The following NECTIN1 variants were observed in gnomAD, a reference collection of about 807,000 sequenced individuals.
NECTIN1 encodes the protein nectin-1.
A neutral mutation model predicts 48.0 loss-of-function variants in NECTIN1; 23 were observed. The ratio of observed to expected loss-of-function variants is 0.48; its 90% CI spans 0.34 to 0.68. The LOEUF (loss-of-function observed/expected upper bound fraction) is 0.68, where lower values mean the gene tolerates loss of function less well. Among genes scored for constraint, NECTIN1 ranks in the 30% least tolerant of loss-of-function variants. The pLI, the probability that NECTIN1 is intolerant of heterozygous loss-of-function variation, is 0.01. For synonymous variants in NECTIN1, 270 were observed against 288.9 expected (o/e 0.93, Z 0.66); for missense variants, 591 against 709.9 (o/e 0.83, Z 1.90).
rs536229402 is a variant in NECTIN1 at position 119,709,444 on chromosome 11, G to A, written c.79+19031C>T. 2.6e-5 allele frequency among the ~76,000 whole-genome samples: 4 copies of A among 152,248 alleles called. No individual in the cohort carries two copies. Among genetic ancestry groups the A allele is most frequent in the East Asian group, 1.9e-4 (1 of 5,152 alleles). ...CAGGGGCAGGGGCGCAGAGGAAGCC[G>A]AGACTACCCTCTAAAGAGTCCTTTC... On this transcript the variant is annotated intron_variant, in intron 1 of 5. Coordinates refer to ENST00000264025, the MANE Select transcript of NECTIN1 (RefSeq NM_002855.5). This position sits in a 1 kb window ranked among gnomAD's most constrained non-coding sequence, Gnocchi z 4.1.
chr11:119,708,871 G>T (rs544678638), intron 1 of NECTIN1, among the ~76,000 whole-genome samples: 1 of 152,256 alleles, frequency 6.6e-6, no homozygotes, highest in Admixed American at 6.5e-5. Context: ...ACCTCTGCAA[G>T]CCTGCAGCAC....
chr11:119,653,467 G>T (rs1040738231), intron 5 of NECTIN1, among the ~76,000 whole-genome samples: 1 of 152,184 alleles, frequency 6.6e-6, no homozygotes, highest in Non-Finnish European at 1.5e-5. Flanking sequence ...ACCCAGCCCT[G>T]CCCTGAGGGA....
intron 6 of NECTIN1, chr11:119,639,704 C>A: frequency 1.1e-6 from 1 of 896,116 alleles, no homozygotes; most frequent in South Asian, 1.5e-5. Flanking sequence ...TCAGGAGGGT[C>A]AGCTCTTCCT....
At chr11:119,692,676 A>G (rs78803563) in intron 1 of NECTIN1, among the ~76,000 whole-genome samples, 2,764 of 152,320 alleles carry the variant, frequency 0.018, 61 homozygotes, top group African/African-American at 0.05. Flanking sequence ...ATTTACATAC[A>G]TTAATTCACT....
At position 119,684,420 on chromosome 11, in the gene NECTIN1, G is replaced by A. The variant is rs1354818299; in HGVS notation, c.80-5655C>T. Among the ~76,000 whole-genome samples, 1 of 152,246 alleles carries A rather than the reference G, an allele frequency of 6.6e-6. No homozygotes were observed. The highest frequency in any genetic ancestry group is 2.4e-5 in the African/African-American group (1 of 41,464). On this transcript the variant is annotated intron_variant, in intron 1 of 5. Transcript: ENST00000264025. The surrounding 1 kb of genome is among the most constrained non-coding windows in gnomAD (Gnocchi z 5.2). Reference sequence around the variant, plus strand: ...GTGTGCACGTGTGTGTCTGAGGTGGGTGCTGGGCTCCGCCATAAGGGCCTC... The same window carrying A: ...GTGTGCACGTGTGTGTCTGAGGTGGATGCTGGGCTCCGCCATAAGGGCCTC...
intron 5 of NECTIN1, among the ~76,000 whole-genome samples, chr11:119,650,073 A>C (rs10219389): frequency 0.31 from 46,337 of 151,030 alleles, 7,883 homozygotes; most frequent in African/African-American, 0.45. Context: ...GGGGGTTGTT[A>C]TCTGGCGGGC....
chr11:119,639,692 A>T, intron 6 of NECTIN1: 1 of 795,088 alleles, frequency 1.3e-6, no homozygotes, highest in Non-Finnish European at 2.0e-6. Flanking sequence ...AGCAATCACC[A>T]CTCAGGAGGG....
intron 1 of NECTIN1, chr11:119,713,669 C>T (rs771748697): frequency 1.6e-4 from 56 of 358,582 alleles, no homozygotes; most frequent in Non-Finnish European, 2.7e-4. Flanking sequence ...AGAATGGGAC[C>T]GCAGTGATTG....
chr11:119,704,135 C>T (rs1865503627), intron 1 of NECTIN1, among the ~76,000 whole-genome samples: 1 of 152,176 alleles, frequency 6.6e-6, no homozygotes, highest in Non-Finnish European at 1.5e-5. Flanking sequence ...CCCTCACGCC[C>T]CACCATCATT....
At chr11:119,712,305 A>G (rs887474423) in intron 1 of NECTIN1, among the ~76,000 whole-genome samples, 3 of 148,372 alleles carry the variant, frequency 2.0e-5, no homozygotes, top group African/African-American at 7.3e-5. Flanking sequence ...AGGTTTCAGA[A>G]TCAAGGTCAC....
chr11:119,696,609 C>G (rs1378670072), intron 1 of NECTIN1, among the ~76,000 whole-genome samples: 1 of 152,080 alleles, frequency 6.6e-6, no homozygotes, highest in Admixed American at 6.6e-5. Flanking sequence ...GGAGGTGAGT[C>G]AGGGCTGGGT....
chr11:119,656,891 G>T (rs1168784818), downstream of NECTIN1, among the ~76,000 whole-genome samples: 1 of 152,176 alleles, frequency 6.6e-6, no homozygotes, highest in Non-Finnish European at 1.5e-5. Flanking sequence ...GCTCCACTCA[G>T]AGAGGGCTAT....
At chr11:119,648,948 T>A (rs1864451949) in intron 5 of NECTIN1, among the ~76,000 whole-genome samples, 1 of 152,120 alleles carries the variant, frequency 6.6e-6, no homozygotes, top group South Asian at 2.1e-4. Context: ...CAGGAGGGCA[T>A]GGGTGGCAAC....
At chr11:119,655,570 C>T (rs911278830) in intron 5 of NECTIN1, among the ~76,000 whole-genome samples, 5 of 152,180 alleles carry the variant, frequency 3.3e-5, no homozygotes, top group Non-Finnish European at 7.3e-5. Context: ...CTCCTAACAG[C>T]TGTGTTGCTA....
chr11:119,677,262 C>T lies in NECTIN1; in HGVS notation c.734-43G>A, dbSNP rs370314345. The T allele has an allele frequency of 2.0e-4, 301 of 1,540,734 alleles. No homozygotes were observed. The highest frequency in any genetic ancestry group is 2.5e-4 in the Non-Finnish European group (275 of 1,113,972). ...TTTGAAGAGGGTGAGGTCAGGAGAGCGGGACTTAGAACAAGGGAACTTCAG... is the reference window on the plus strand; with the variant it reads ...TTTGAAGAGGGTGAGGTCAGGAGAGTGGGACTTAGAACAAGGGAACTTCAG... On this transcript the variant is annotated intron_variant, in intron 3 of 5. Transcript: ENST00000264025. This position sits in a 1 kb window ranked among gnomAD's most constrained non-coding sequence, Gnocchi z 5.4.
In NECTIN1 at chr11:119,677,943, C is replaced by A; in HGVS notation, c.431-86G>T. The A allele has an allele frequency of 2.1e-6, 3 of 1,405,676 alleles. No homozygotes were observed. The highest frequency in any genetic ancestry group is 4.7e-5 in the East Asian group (2 of 42,718). The allele number at this position is 1,405,676 out of a possible 1,614,324, so 87.1% of individuals were successfully genotyped here. A position where few individuals can be genotyped will look rare whatever the true frequency, so the allele number is the denominator to read the frequency against. On this transcript the variant is annotated intron_variant, in intron 2 of 5. Transcript: ENST00000264025. This position sits in a 1 kb window ranked among gnomAD's most constrained non-coding sequence, Gnocchi z 5.4. ...CCAAAAGGGCGTGGCATCCGTCAGG[C>A]CTTGTCTTCAGGTCCCCTTGGCCAT...
intron 4 of NECTIN1, chr11:119,676,685 T>G (rs1237497109): frequency 3.8e-6 from 1 of 263,464 alleles, no homozygotes; most frequent in Non-Finnish European, 7.5e-6. Flanking sequence ...AATCTGGGGG[T>G]GCCAGAGAGA....
intron 1 of NECTIN1, among the ~76,000 whole-genome samples, chr11:119,682,565 C>T (rs1334331117): frequency 4.6e-5 from 7 of 152,182 alleles, no homozygotes; most frequent in Non-Finnish European, 1.0e-4. Context: ...GCTGTGCAAC[C>T]TTGGCCAAAT....
rs553886609 is a variant in NECTIN1 at position 119,718,652 on chromosome 11, C to T, written c.79+9823G>A. On this transcript the variant is annotated intron_variant, in intron 1 of 5. Transcript: ENST00000264025. ...AGATTCTCTCCGAGGAGCTACTATACCTGCCTCTGGTCTCACCGTGAGACA... is the reference window on the plus strand; with the variant it reads ...AGATTCTCTCCGAGGAGCTACTATATCTGCCTCTGGTCTCACCGTGAGACA... Among the ~76,000 whole-genome samples, 10 of 152,294 alleles carry T rather than the reference C, an allele frequency of 6.6e-5. No individual in the cohort carries two copies. The East Asian group carries it at 1.9e-3, about 29-fold the overall frequency.
Sources: allele counts gnomAD v4.1 joint callset (sites outside exome capture counted in the v4.1 genomes callset), GRCh38; gene constraint gnomAD v4.1.1; non-coding constraint Gnocchi (gnomAD v3.1); transcripts MANE v1.5; gene names NCBI Gene and HGNC (gene_info 2026-07-23, HGNC 2026-07-21).